Variants in CACNA1S observed in about 807,000 individuals in gnomAD.
CACNA1S encodes the protein calcium voltage-gated channel subunit alpha1 S, also known as voltage-dependent L-type calcium channel subunit alpha-1S.
CACNA1S carries 126 observed loss-of-function variants against 207.4 expected under a neutral mutation model. The observed-to-expected ratio is 0.61, with a 90% confidence interval of 0.53 to 0.70. CACNA1S has a LOEUF of 0.70. Among genes scored for constraint, CACNA1S ranks in the 30% least tolerant of loss-of-function variants. The probability of loss-of-function intolerance (pLI) is 0.00; values close to 1 mark genes in which losing one functional copy is unlikely to be tolerated. For synonymous variants in CACNA1S, 960 were observed against 932.7 expected (o/e 1.03, Z -0.53); for missense variants, 2,349 against 2,422.8 (o/e 0.97, Z 0.64).
intron 17 of CACNA1S, 48 bp downstream of exon 17, chr1:201,070,224 A>C: frequency 6.2e-7 from 1 of 1,608,024 alleles, no homozygotes; most frequent in African/African-American, 1.3e-5. Context: ...GCAGGGAAGC[A>C]GATGAGAGCC....
At chr1:201,087,525 G>A (rs1662073871) in intron 7 of CACNA1S, among the ~76,000 whole-genome samples, 1 of 152,128 alleles carries the variant, frequency 6.6e-6, no homozygotes. Context: ...AAGACTTGAG[G>A]AGGAGGAAAA....
At chr1:201,057,468 A>G (rs1416307729) in intron 28 of CACNA1S, among the ~76,000 whole-genome samples, 1 of 152,200 alleles carries the variant, frequency 6.6e-6, no homozygotes, top group Non-Finnish European at 1.5e-5. Flanking sequence ...TACCTGTCAT[A>G]TTAGAGATTG....
rs138921677 is a variant in CACNA1S, at chr1:201,106,597, T to C, written c.258+3567A>G. Among the ~76,000 whole-genome samples the C allele has an allele frequency of 8.6e-3, 1,311 of 152,280 alleles. 22 individuals are homozygous for C. The highest frequency in any genetic ancestry group is 0.03 in the African/African-American group (1,255 of 41,540). On this transcript the variant is annotated intron_variant, in intron 2 of 43. Transcript: ENST00000362061. ...ACTAAATATAAAGCTTTTCCCTTTC[T>C]TTCAGCCCCTTTCTCAGCCTACTGT... is the stretch of plus-strand genomic sequence containing the variant.
At chr1:201,044,197 G>A in intron 39 of CACNA1S, 131 bp downstream of exon 39, 1 of 1,093,826 alleles carries the variant, frequency 9.1e-7, no homozygotes, top group East Asian at 2.6e-5. Context: ...TGGTGAAGTG[G>A]AGAGACGGAG....
chr1:201,065,984 C>T (rs1401239831), intron 21 of CACNA1S, 39 bp from the exon 22 acceptor site: 2 of 1,406,030 alleles, frequency 1.4e-6, no homozygotes, highest in Non-Finnish European at 2.0e-6. Context: ...GGGGTGCACC[C>T]ACAGTAACCC....
intron 35 of CACNA1S, 143 bp from the exon 36 acceptor site, chr1:201,048,827 G>C: frequency 3.6e-6 from 3 of 844,386 alleles, no homozygotes; most frequent in Non-Finnish European, 5.9e-6. Flanking sequence ...TTTGTGAGGG[G>C]ACAGAATGAT....
intron 8 of CACNA1S, 59 bp downstream of exon 8, chr1:201,085,377 A>T: frequency 6.2e-7 from 1 of 1,609,150 alleles, no homozygotes; most frequent in Non-Finnish European, 8.5e-7. Flanking sequence ...GCAAGGTATG[A>T]CTCAGAGGTG....
chr1:201,085,101 A>C (rs1298925231), intron 8 of CACNA1S, 70 bp from the exon 9 acceptor site: 1 of 1,081,414 alleles, frequency 9.2e-7, no homozygotes. Context: ...TGGACTGGGC[A>C]CCCGAGACAA....
At chr1:201,043,166 G>A (rs562700274) in intron 40 of CACNA1S, 115 bp downstream of exon 40, 1 of 1,386,478 alleles carries the variant, frequency 7.2e-7, no homozygotes, top group African/African-American at 1.4e-5. Context: ...GGGGCACAAA[G>A]GCAAGCAAAA....
rs769917716 is a variant in CACNA1S at position 201,067,038 on chromosome 1, C to T, written c.2551-45G>A. 8 of 1,301,140 alleles carry T rather than the reference C, an allele frequency of 6.1e-6. No homozygotes were observed. In the South Asian group the frequency reaches 8.4e-5, roughly 14 times the overall value. The allele number at this position is 1,301,140 out of a possible 1,614,324, so 80.6% of individuals were successfully genotyped here. A position where few individuals can be genotyped will look rare whatever the true frequency, so the allele number is the denominator to read the frequency against. On this transcript the variant is annotated intron_variant, in intron 19 of 43. Transcript: ENST00000362061. ...AGCCTGGATGGAGGAGCTTGGAGAA[C>T]AGGCCTGTCTCCCACAGACAAGGGC...
At position 201,094,008 on chromosome 1, in the gene CACNA1S, T is replaced by A. The variant is rs1013152799; in HGVS notation, c.272A>T (p.Tyr91Phe). The change falls in exon 3 of 44, where the codon TAT (tyrosine) becomes TTT (phenylalanine). Residue 91 changes from tyrosine (Y) to phenylalanine (F), a missense_variant. Physicochemically the swap from Tyr to Phe is conservative, Grantham distance 22. Coordinates refer to ENST00000362061, the MANE Select transcript of CACNA1S (RefSeq NM_000069.3). ...AATCGAGAAGACAATGAGGAAGAAA[T>A]ACTCCAGCTTCTCCTGTGGGAGCAA... ...SLNLGLEKLE[Y>F]FFLIVFSIEA... 5 of 1,614,014 alleles carry A rather than the reference T, an allele frequency of 3.1e-6. No homozygotes were observed. Among genetic ancestry groups the A allele is most frequent in the African/African-American group, 1.3e-5 (1 of 74,914 alleles).
rs772738139 is a variant in CACNA1S at position 201,112,326 on chromosome 1, G to A, written c.14C>T (p.Ser5Leu). 4 of 1,613,342 alleles carry A rather than the reference G, an allele frequency of 2.5e-6. No homozygotes were observed. The highest frequency in any genetic ancestry group is 3.4e-6 in the Non-Finnish European group (4 of 1,179,688). Residue 5 changes from serine to leucine, a missense_variant, in exon 1 of 44, where the codon TCA becomes TTA. Transcript: ENST00000362061. MEPSSPQDEGLRKKQ... is the reference protein window; with the variant it reads MEPSLPQDEGLRKKQ... ...CTTCCTCAGGCCTTCATCCTGGGGTGAGGATGGCTCCATGGCTTCCCTGGG... is the reference window on the plus strand; with the variant it reads ...CTTCCTCAGGCCTTCATCCTGGGGTAAGGATGGCTCCATGGCTTCCCTGGG...
chr1:201,092,253 A>C, intron 3 of CACNA1S, 139 bp from the exon 4 acceptor site: 1 of 799,336 alleles, frequency 1.3e-6, no homozygotes, highest in Non-Finnish European at 2.1e-6. Flanking sequence ...GGGTGCATCA[A>C]CTAACAAATG....
intron 3 of CACNA1S, 102 bp downstream of exon 3, chr1:201,093,780 G>A: frequency 7.1e-7 from 1 of 1,409,976 alleles, no homozygotes; most frequent in African/African-American, 1.4e-5. Flanking sequence ...TTAGCACAAT[G>A]CTGGAGTCCC....
In CACNA1S at chr1:201,087,309, AG is replaced by A. The variant is rs1662066608; in HGVS notation, c.1004+516del. ...TAAGGCACAGAGAAGTTAGGTAATTAGGTAAAGCTCACACAGCCACCAAGCA... is the reference window on the plus strand; with the variant it reads ...TAAGGCACAGAGAAGTTAGGTAATTAGTAAAGCTCACACAGCCACCAAGCA... On this transcript the variant is annotated intron_variant, in intron 7 of 43. Transcript: ENST00000362061. 2.0e-5 allele frequency among the ~76,000 whole-genome samples: 3 copies of A among 152,334 alleles called. No individual in the cohort carries two copies. In the South Asian group the frequency reaches 6.2e-4, roughly 32 times the overall value.
At chr1:201,061,640 T>C (rs1400245218) in intron 24 of CACNA1S, among the ~76,000 whole-genome samples, 172 bp from the exon 25 acceptor site, 1 of 152,218 alleles carries the variant, frequency 6.6e-6, no homozygotes, top group Non-Finnish European at 1.5e-5. Context: ...GACCCAATCC[T>C]GGAATGGCCC....
chr1:201,044,117 G>A (rs576041261), intron 39 of CACNA1S, among the ~76,000 whole-genome samples: 1 of 152,192 alleles, frequency 6.6e-6, no homozygotes, highest in East Asian at 1.9e-4. Context: ...GGGAAATGTG[G>A]GAAAGAGTGT....
At chr1:201,083,936 T>C (rs1661933955) in intron 9 of CACNA1S, among the ~76,000 whole-genome samples, 2 of 152,146 alleles carry the variant, frequency 1.3e-5, no homozygotes, top group Admixed American at 6.5e-5. Context: ...AGAGTTCCTT[T>C]GGCAGAAGTG....
chr1:201,054,578 CG>C lies in CACNA1S; in HGVS notation c.3610-18del. On this transcript the variant is annotated intron_variant, in intron 28 of 43. Coordinates refer to ENST00000362061, the MANE Select transcript of CACNA1S (RefSeq NM_000069.3). ...CAGGAAAGTCTGTGGAGAAAAGAGA[CG>C]AAGGGAGGGGAAGGAGAGGAGAGAG... 1 of 1,608,084 alleles carries C rather than the reference CG, an allele frequency of 6.2e-7. No individual in the cohort carries two copies. Among genetic ancestry groups the C allele is most frequent in the Non-Finnish European group, 8.5e-7 (1 of 1,176,848 alleles).
Sources: allele counts gnomAD v4.1 joint callset (sites outside exome capture counted in the v4.1 genomes callset), GRCh38; gene constraint gnomAD v4.1.1; transcripts MANE v1.5; gene names NCBI Gene and HGNC (gene_info 2026-07-23, HGNC 2026-07-21).